Variants in SUCO observed in about 807,000 individuals in gnomAD.
The protein encoded by SUCO is SUN domain-containing ossification factor.
In SUCO, 57 loss-of-function variants were observed where a neutral mutation model predicts 148.1. The ratio of observed to expected loss-of-function variants is 0.38; its 90% CI spans 0.31 to 0.48. SUCO has a LOEUF of 0.48. Among genes scored for constraint, SUCO ranks in the 20% least tolerant of loss-of-function variants. SUCO has a pLI of 0.96. For synonymous variants in SUCO, 470 were observed against 502.7 expected, an observed-to-expected ratio of 0.93 and a Z score of 0.87; for missense variants, 1,331 against 1,468.2, an observed-to-expected ratio of 0.91 and a Z score of 1.53.
intron 1 of SUCO, among the ~76,000 whole-genome samples, chr1:172,548,424 C>A (rs184786345): frequency 6.6e-6 from 1 of 151,828 alleles, no homozygotes; most frequent in East Asian, 1.9e-4. Flanking sequence ...TTTAGCAATG[C>A]CTATCCATAT....
At chr1:172,532,556 C>G, upstream of SUCO, 1 of 1,613,882 alleles carries the variant, frequency 6.2e-7, no homozygotes, top group Non-Finnish European at 8.5e-7. Context: ...AGGGAAAGGG[C>G]TTGGTGCAGC....
upstream of SUCO, chr1:172,532,550 A>C: frequency 6.2e-7 from 1 of 1,613,842 alleles, no homozygotes; most frequent in Non-Finnish European, 8.5e-7. Flanking sequence ...TGCCACAGGG[A>C]AAGGGCTTGG....
intron 6 of SUCO, among the ~76,000 whole-genome samples, chr1:172,565,854 G>A (rs1434713328): frequency 6.6e-6 from 1 of 152,252 alleles, no homozygotes; most frequent in Non-Finnish European, 1.5e-5. Flanking sequence ...GCACACTAAC[G>A]ATGGGGGCTT....
intron 3 of SUCO, among the ~76,000 whole-genome samples, chr1:172,553,698 C>G (rs1465917304): frequency 2.6e-5 from 4 of 152,082 alleles, no homozygotes; most frequent in Non-Finnish European, 5.9e-5. Flanking sequence ...ACCTGAATCA[C>G]TTGGAACAAA....
intron 3 of SUCO, 56 bp downstream of exon 3, chr1:172,553,426 A>G (rs760595164): frequency 1.7e-5 from 22 of 1,294,836 alleles, no homozygotes; most frequent in Middle Eastern, 2.5e-4. Context: ...ACTTTACAAG[A>G]TTGAAAACCT....
chr1:172,544,595 A>G (rs1193727519), intron 1 of SUCO, among the ~76,000 whole-genome samples: 1 of 152,214 alleles, frequency 6.6e-6, no homozygotes, highest in Non-Finnish European at 1.5e-5. Context: ...TGGGAGTGGG[A>G]GCAGGTACAG....
Position 172,569,609 on chromosome 1 carries a change from G to A in SUCO, c.857-438G>A, listed in dbSNP as rs73034027. The A allele has an allele frequency of 1.8e-3, 1,176 of 667,062 alleles. 8 individuals are homozygous for A. In the African/African-American group the frequency reaches 0.021, roughly 12 times the overall value. The allele number at this position is 667,062 out of a possible 1,614,324, so 41.3% of individuals were successfully genotyped here. On this transcript the variant is annotated intron_variant, in intron 7 of 23. Coordinates refer to ENST00000263688, the MANE Select transcript of SUCO (RefSeq NM_014283.5). ...TAAAATTATAATTTATTCCCTGTGT[G>A]ATGGGTTATTAGGTGCAGCACACCA...
At chr1:172,543,764 T>C (rs1364113049) in intron 1 of SUCO, among the ~76,000 whole-genome samples, 1 of 152,042 alleles carries the variant, frequency 6.6e-6, no homozygotes, top group Non-Finnish European at 1.5e-5. Flanking sequence ...TGCACGTGAT[T>C]TGACTATGGA....
At chr1:172,571,062 A>C (rs1348627235) in intron 9 of SUCO, among the ~76,000 whole-genome samples, 1 of 152,222 alleles carries the variant, frequency 6.6e-6, no homozygotes, top group East Asian at 1.9e-4. Context: ...ATCTTGAAGG[A>C]TTAATAGGAA....
intron 6 of SUCO, among the ~76,000 whole-genome samples, 169 bp from the exon 7 acceptor site, chr1:172,568,850 A>C (rs1654743350): frequency 6.6e-6 from 1 of 152,170 alleles, no homozygotes; most frequent in Non-Finnish European, 1.5e-5. Flanking sequence ...GAGAAATTCA[A>C]CTTTTAAGTA....
chr1:172,609,683 T>A, intron 23 of SUCO, 133 bp from the exon 24 acceptor site: 1 of 1,456,996 alleles, frequency 6.9e-7, no homozygotes, highest in Non-Finnish European at 9.0e-7. Flanking sequence ...AATGTATGTG[T>A]TCTGTGCTGT....
In SUCO at chr1:172,591,066, G is replaced by A. The variant is rs779690669; in HGVS notation, c.2908G>A (p.Glu970Lys). Reference protein sequence around the residue: ...KLQNTSRIAEEQDQRQTEAIQ... With the variant: ...KLQNTSRIAEKQDQRQTEAIQ... ...TCAGAATACTTCAAGAATAGCAGAGGAGCAGGTTGGTTTCTACATCCCTTA... is the reference window on the plus strand; with the variant it reads ...TCAGAATACTTCAAGAATAGCAGAGAAGCAGGTTGGTTTCTACATCCCTTA... The change falls in exon 19 of 24, where the codon GAG becomes AAG. Residue 970 changes from glutamate (E) to lysine (K), a missense_variant. Coordinates refer to ENST00000263688, the MANE Select transcript of SUCO (RefSeq NM_014283.5). 3 of 1,608,904 alleles carry A rather than the reference G, an allele frequency of 1.9e-6. No individual in the cohort carries two copies. The highest frequency in any genetic ancestry group is 2.5e-6 in the Non-Finnish European group (3 of 1,177,728).
Position 172,610,464 on chromosome 1 carries a change from TA to T in SUCO, c.*207del. 2 of 663,230 alleles carry T rather than the reference TA, an allele frequency of 3.0e-6. No individual in the cohort carries two copies. Among genetic ancestry groups the T allele is most frequent in the South Asian group, 7.1e-5 (2 of 28,266 alleles). 41.1% of individuals were successfully genotyped at this position (663,230 alleles called of 1,614,324 possible). ...GTTTTACAAAGCTGATCACTTCCTA[TA>T]AGGACAATGGTAGACATTTTATAAA... On this transcript the variant is annotated 3_prime_UTR_variant, in exon 24 of 24. Transcript: ENST00000263688.
chr1:172,599,922 A>G (rs1657386869), intron 19 of SUCO, 142 bp from the exon 20 acceptor site: 1 of 591,000 alleles, frequency 1.7e-6, no homozygotes, highest in Non-Finnish European at 2.9e-6. Flanking sequence ...TTTCTGTTCA[A>G]AGTTTACTTA....
chr1:172,572,887 TG>T (rs1408466809), intron 9 of SUCO, among the ~76,000 whole-genome samples: 1 of 152,094 alleles, frequency 6.6e-6, no homozygotes, highest in Non-Finnish European at 1.5e-5. Flanking sequence ...GAGTGTTACA[TG>T]TCATGGGTAT....
chr1:172,595,411 C>T (rs983696473), intron 19 of SUCO, among the ~76,000 whole-genome samples: 4 of 152,192 alleles, frequency 2.6e-5, no homozygotes, highest in South Asian at 4.1e-4. Flanking sequence ...TTTGCAGTGG[C>T]TGGTACCAAT....
chr1:172,559,464 A>T (rs973277451), intron 6 of SUCO, among the ~76,000 whole-genome samples: 1 of 152,042 alleles, frequency 6.6e-6, no homozygotes, highest in Non-Finnish European at 1.5e-5. Context: ...TTAGCCCGGG[A>T]GGGTTCTTGG....
At chr1:172,553,054 G>T (rs1326992723) in intron 2 of SUCO, 1 of 208,606 alleles carries the variant, frequency 4.8e-6, no homozygotes, top group East Asian at 1.8e-4. Context: ...TTCTTGAACT[G>T]GTGTATTGCA....
chr1:172,537,605 G>C (rs1652121542), intron 1 of SUCO, among the ~76,000 whole-genome samples: 1 of 151,894 alleles, frequency 6.6e-6, no homozygotes, highest in Admixed American at 6.5e-5. Context: ...CCCATTGTTT[G>C]TGGGACTTCC....
Sources: allele counts gnomAD v4.1 joint callset (sites outside exome capture counted in the v4.1 genomes callset), GRCh38; gene constraint gnomAD v4.1.1; transcripts MANE v1.5; gene names NCBI Gene and HGNC (gene_info 2026-07-23, HGNC 2026-07-21).